The following CCSER1 variants were observed in gnomAD, a reference collection of about 807,000 sequenced individuals.
CCSER1 encodes serine-rich coiled-coil domain-containing protein 1.
In CCSER1, 41 loss-of-function variants were observed where a neutral mutation model predicts 82.0. The ratio of observed to expected loss-of-function variants is 0.50; its 90% confidence interval spans 0.39 to 0.65. The LOEUF (loss-of-function observed/expected upper bound fraction) is 0.65, where lower values mean the gene tolerates loss of function less well. Ranked by LOEUF, CCSER1 falls within the 30% of genes least tolerant of loss-of-function variation. CCSER1 has a pLI of 0.00. For missense variants in CCSER1, 1,119 were observed against 1,064.2 expected, an observed-to-expected ratio of 1.05 and a Z score of -0.72; for synonymous variants, 414 against 383.9, an observed-to-expected ratio of 1.08 and a Z score of -0.92.
rs763662191 is a variant in CCSER1, at chr4:90,158,971, A to G, written c.-42+31140A>G. ...GCAGAAATCACCCGTCTTCTGCTTC[A>G]CTCACACTGGGAGCTGTAGACCGGC... On this transcript the variant is annotated intron_variant, in intron 1 of 10. Transcript: ENST00000509176. Among the ~76,000 whole-genome samples, 7 of 151,982 alleles carry G rather than the reference A, an allele frequency of 4.6e-5. No homozygotes were observed. The East Asian group carries it at 9.7e-4, about 21-fold the overall frequency.
intron 3 of CCSER1, among the ~76,000 whole-genome samples, chr4:90,354,224 T>C (rs1744015604): frequency 6.6e-6 from 1 of 152,138 alleles, no homozygotes; most frequent in Admixed American, 6.5e-5. Flanking sequence ...ATCTCACTTA[T>C]TTGTGGAATA....
At chr4:90,944,065 C>T (rs979624467) in intron 9 of CCSER1, among the ~76,000 whole-genome samples, 14 of 151,564 alleles carry the variant, frequency 9.2e-5, no homozygotes, top group Admixed American at 1.3e-4. Flanking sequence ...GAAACCCCGT[C>T]GCTACTAAAA....
At chr4:91,214,894 T>A (rs183369539) in intron 10 of CCSER1, among the ~76,000 whole-genome samples, 1 of 152,242 alleles carries the variant, frequency 6.6e-6, no homozygotes, top group East Asian at 1.9e-4. Flanking sequence ...TTCAGTTAAC[T>A]GGAACTCCAT....
intron 10 of CCSER1, among the ~76,000 whole-genome samples, chr4:91,276,065 G>A (rs1353425261): frequency 5.3e-5 from 8 of 152,092 alleles, no homozygotes; most frequent in South Asian, 4.1e-4. Flanking sequence ...CTCTAGGCTT[G>A]TAATAAATTT....
At chr4:91,039,209 TTTC>T (rs1240325621) in intron 9 of CCSER1, among the ~76,000 whole-genome samples, 13 of 119,890 alleles carry the variant, frequency 1.1e-4, no homozygotes, top group South Asian at 5.4e-4. Flanking sequence ...TCTTTCTTTC[TTTC>T]TTTTTTTTTT....
At chr4:90,200,283 C>G (rs1321321029) in intron 1 of CCSER1, among the ~76,000 whole-genome samples, 3 of 152,108 alleles carry the variant, frequency 2.0e-5, no homozygotes, top group African/African-American at 4.8e-5. Flanking sequence ...TTAATTCTTT[C>G]TGAGACTGCC....
chr4:91,515,075 C>G (rs1380107363), intron 10 of CCSER1, among the ~76,000 whole-genome samples: 1 of 152,076 alleles, frequency 6.6e-6, no homozygotes, highest in Admixed American at 6.6e-5. Flanking sequence ...GTTACATTGT[C>G]AAATATATTT....
In CCSER1 at chr4:90,778,014, CA is replaced by C. The variant is rs569841608; in HGVS notation, c.2011-37738del. Among the ~76,000 whole-genome samples the C allele has an allele frequency of 6.0e-4, 88 of 147,532 alleles. 1 individual carries two copies. The highest frequency in any genetic ancestry group is 1.6e-3 in the Admixed American group (24 of 14,792). ...TCTTGTTTGTCATAGTGTTCCTTTT[CA>C]AAAAAAAAATGTTTTCTTATTCATT... On this transcript the variant is annotated intron_variant, in intron 7 of 10. Transcript: ENST00000509176.
intron 6 of CCSER1, among the ~76,000 whole-genome samples, chr4:90,629,631 A>T (rs2148922618): frequency 6.6e-6 from 1 of 152,204 alleles, no homozygotes; most frequent in African/African-American, 2.4e-5. Context: ...ACACAGCCAA[A>T]CCATATCATA....
At chr4:90,935,853 T>A (rs1443014597) in intron 9 of CCSER1, among the ~76,000 whole-genome samples, 1 of 151,560 alleles carries the variant, frequency 6.6e-6, no homozygotes, top group African/African-American at 2.4e-5. Flanking sequence ...ACTATGTGGT[T>A]CTCTTTTTAG....
At chr4:91,110,807 T>C (rs1457180266) in intron 10 of CCSER1, among the ~76,000 whole-genome samples, 1 of 152,020 alleles carries the variant, frequency 6.6e-6, no homozygotes, top group African/African-American at 2.4e-5. Flanking sequence ...CAGCAAATGA[T>C]ACTGGTTTCT....
chr4:91,388,490 A>G (rs1185589058), intron 10 of CCSER1, among the ~76,000 whole-genome samples: 2 of 152,220 alleles, frequency 1.3e-5, no homozygotes, highest in African/African-American at 4.8e-5. Context: ...AAACTCTTCC[A>G]AAGTGGCTAT....
rs555304730 is a variant in CCSER1, at chr4:90,586,119, G to A, written c.1725-41906G>A. On this transcript the variant is annotated intron_variant, in intron 5 of 10. Coordinates refer to ENST00000509176, the MANE Select transcript of CCSER1 (RefSeq NM_001145065.2). ...AGCAGGAGGTGAGTGGTGGGTGAGC[G>A]AGCATTACTGCCTGAGCTCCACCTC... is the stretch of plus-strand genomic sequence containing the variant. Among the ~76,000 whole-genome samples, 14 of 152,202 alleles carry A rather than the reference G, an allele frequency of 9.2e-5. No homozygotes were observed. In the South Asian group the frequency reaches 2.7e-3, roughly 29 times the overall value.
chr4:91,257,869 A>G (rs781249845), intron 10 of CCSER1, among the ~76,000 whole-genome samples: 1 of 152,114 alleles, frequency 6.6e-6, no homozygotes, highest in Non-Finnish European at 1.5e-5. Flanking sequence ...TAAGATGGAA[A>G]TATGTCTTCC....
At chr4:91,466,864 C>A (rs958748753) in intron 10 of CCSER1, among the ~76,000 whole-genome samples, 1 of 152,140 alleles carries the variant, frequency 6.6e-6, no homozygotes, top group Non-Finnish European at 1.5e-5. Flanking sequence ...AGGACACAAA[C>A]AAATGGAAGA....
intron 1 of CCSER1, among the ~76,000 whole-genome samples, chr4:90,278,365 G>T: frequency 6.6e-6 from 1 of 151,972 alleles, no homozygotes; most frequent in Non-Finnish European, 1.5e-5. Flanking sequence ...CTACCAAAAT[G>T]ACACAAGTAC....
At position 90,748,048 on chromosome 4, in the gene CCSER1, T is replaced by A. The variant is rs534657897; in HGVS notation, c.2010+24057T>A. 1.0e-4 allele frequency among the ~76,000 whole-genome samples: 15 copies of A among 146,014 alleles called. No homozygotes were observed. In the East Asian group the frequency reaches 2.7e-3, roughly 27 times the overall value. ...GTGCCACATTTTCTTCTTTTTTTTT[T>A]ATTATACTTTAAGTTTTAGGGTACA... On this transcript the variant is annotated intron_variant, in intron 7 of 10. Coordinates refer to ENST00000509176, the MANE Select transcript of CCSER1 (RefSeq NM_001145065.2).
chr4:90,689,631 A>G (rs1409163678), intron 6 of CCSER1, among the ~76,000 whole-genome samples: 1 of 152,082 alleles, frequency 6.6e-6, no homozygotes, highest in Non-Finnish European at 1.5e-5. Context: ...GGATACTCCA[A>G]TTAGTGGACC....
intron 6 of CCSER1, among the ~76,000 whole-genome samples, chr4:90,710,264 T>G (rs1740299658): frequency 6.6e-6 from 1 of 152,138 alleles, no homozygotes; most frequent in Admixed American, 6.6e-5. Flanking sequence ...ATTCTAGTGA[T>G]AGTTTTTTGT....
Sources: gnomAD v4.1 joint callset for allele counts (sites outside exome capture counted in the v4.1 genomes callset) on GRCh38, gnomAD v4.1.1 for gene constraint, MANE v1.5 for transcripts, NCBI Gene and HGNC (gene_info 2026-07-23, HGNC 2026-07-21) for gene names.